The following R3HDM1 variants were observed in gnomAD, a reference collection of about 807,000 sequenced individuals.
R3HDM1 encodes R3H domain-containing protein 1.
Under a neutral mutation model 141.1 loss-of-function variants are expected in R3HDM1, and 46 were observed. The observed-to-expected ratio is 0.33, with a 90% CI of 0.26 to 0.42. The LOEUF is 0.42. Ranked by LOEUF, R3HDM1 falls within the 10% of genes least tolerant of loss-of-function variation. The pLI is 1.00. For missense variants in R3HDM1, 1,184 were observed against 1,368.3 expected (o/e 0.87, Z 2.12); for synonymous variants, 435 against 472.9 (o/e 0.92, Z 1.04).
At chr2:135,649,520 G>A (rs1315544486) in intron 16 of R3HDM1, among the ~76,000 whole-genome samples, 1 of 152,066 alleles carries the variant, frequency 6.6e-6, no homozygotes. Flanking sequence ...CTGCAAAATA[G>A]GGCAACCCTT....
intron 1 of R3HDM1, chr2:135,565,767 T>A (rs993639031): frequency 2.0e-5 from 3 of 152,774 alleles, no homozygotes; most frequent in Admixed American, 6.5e-5. Context: ...ATCACTGCCT[T>A]GTACAATAAA....
At chr2:135,610,389 T>C (rs1299243163) in intron 3 of R3HDM1, among the ~76,000 whole-genome samples, 3 of 152,190 alleles carry the variant, frequency 2.0e-5, no homozygotes, top group Non-Finnish European at 4.4e-5. Context: ...AACTAGGCCT[T>C]GTGTGCCAGA....
chr2:135,619,401 T>C (rs2061351110), intron 5 of R3HDM1, among the ~76,000 whole-genome samples: 2 of 152,232 alleles, frequency 1.3e-5, no homozygotes, highest in South Asian at 4.1e-4. Flanking sequence ...TATTGATATA[T>C]ACATTATTGA....
chr2:135,617,334 A>AAT (rs1553567035), intron 5 of R3HDM1, among the ~76,000 whole-genome samples: 11,584 of 151,052 alleles, frequency 0.077, 1,435 homozygotes, highest in African/African-American at 0.26. Flanking sequence ...CTCAAAAAAA[A>AAT]ATATATATAT....
chr2:135,544,753 G>T (rs1376381486), intron 1 of R3HDM1, among the ~76,000 whole-genome samples: 1 of 152,176 alleles, frequency 6.6e-6, no homozygotes, highest in African/African-American at 2.4e-5. Flanking sequence ...TTGAGGCCAG[G>T]AGCTTGAGAC....
At chr2:135,585,910 G>C (rs1278643786) in intron 1 of R3HDM1, among the ~76,000 whole-genome samples, 3 of 152,188 alleles carry the variant, frequency 2.0e-5, no homozygotes, top group Non-Finnish European at 4.4e-5. Context: ...GGTAAAGTCA[G>C]TTGGAAGATG....
intron 21 of R3HDM1, among the ~76,000 whole-genome samples, chr2:135,698,129 C>T (rs1371729740): frequency 3.4e-5 from 5 of 148,474 alleles, no homozygotes; most frequent in Non-Finnish European, 5.9e-5. Flanking sequence ...GTGCATGAGA[C>T]GGGAAGGCAG....
At chr2:135,641,403 G>T in intron 14 of R3HDM1, 133 bp from the exon 15 acceptor site, 1 of 1,062,196 alleles carries the variant, frequency 9.4e-7, no homozygotes, top group Non-Finnish European at 1.3e-6. Flanking sequence ...AACGTGGACA[G>T]TAAATTAAAA....
intron 1 of R3HDM1, among the ~76,000 whole-genome samples, chr2:135,595,709 A>G (rs750181778): frequency 6.6e-6 from 1 of 152,204 alleles, no homozygotes; most frequent in Non-Finnish European, 1.5e-5. Context: ...TTTAGGTTCT[A>G]GGATCCCATC....
intron 1 of R3HDM1, among the ~76,000 whole-genome samples, chr2:135,571,886 A>G (rs954958044): frequency 4.6e-5 from 7 of 152,176 alleles, no homozygotes; most frequent in African/African-American, 1.7e-4. Context: ...TTGGCTTCCC[A>G]GAATGCTAGA....
At chr2:135,611,460 T>C (rs2060544419) in intron 3 of R3HDM1, among the ~76,000 whole-genome samples, 2 of 152,310 alleles carry the variant, frequency 1.3e-5, no homozygotes, top group South Asian at 4.1e-4. Context: ...TGGTAGGTGC[T>C]ATTAACAATG....
At position 135,645,395 on chromosome 2, in the gene R3HDM1, C is replaced by A. The variant is rs1349739690; in HGVS notation, c.1491C>A (p.Asn497Lys). Reference protein sequence around the residue: ...INPQTGQPFINPDGSPVVYNP... With the variant: ...INPQTGQPFIKPDGSPVVYNP... ...ATTTTTCAGGTCAGCCCTTCATAAA[C>A]CCAGATGGGAGTCCAGTTGTGTATA... Residue 497 changes from asparagine to lysine, a missense_variant, in exon 16 of 27, where the codon AAC becomes AAA. Transcript: ENST00000683871. 1 of 1,610,036 alleles carries A rather than the reference C, an allele frequency of 6.2e-7. No individual in the cohort carries two copies.
intron 19 of R3HDM1, among the ~76,000 whole-genome samples, chr2:135,665,084 C>T (rs1236484106): frequency 6.6e-6 from 1 of 152,166 alleles, no homozygotes; most frequent in African/African-American, 2.4e-5. Context: ...AGCTTGGCAA[C>T]CAACTGTCAA....
At chr2:135,594,230 A>G (rs1261104466) in intron 1 of R3HDM1, among the ~76,000 whole-genome samples, 1 of 152,204 alleles carries the variant, frequency 6.6e-6, no homozygotes, top group Non-Finnish European at 1.5e-5. Context: ...ATATATGTAT[A>G]GTTCTTTTAG....
intron 7 of R3HDM1, among the ~76,000 whole-genome samples, chr2:135,628,214 A>G (rs2062247343): frequency 6.6e-6 from 1 of 152,186 alleles, no homozygotes; most frequent in African/African-American, 2.4e-5. Flanking sequence ...AAAATATCTA[A>G]CCTCAATTAC....
At chr2:135,582,668 A>T (rs1415580107) in intron 1 of R3HDM1, among the ~76,000 whole-genome samples, 1 of 152,174 alleles carries the variant, frequency 6.6e-6, no homozygotes, top group African/African-American at 2.4e-5. Context: ...TAGGAGGATA[A>T]CATCCTCTGC....
chr2:135,657,646 C>T (rs979846103), intron 18 of R3HDM1, among the ~76,000 whole-genome samples: 3 of 152,002 alleles, frequency 2.0e-5, no homozygotes, highest in African/African-American at 4.8e-5. Flanking sequence ...TTAAAATCTC[C>T]ACAGATCTCT....
chr2:135,665,835 G>A (rs966083262), intron 19 of R3HDM1, among the ~76,000 whole-genome samples: 2 of 152,102 alleles, frequency 1.3e-5, no homozygotes, highest in African/African-American at 4.8e-5. Flanking sequence ...ATATATGAAA[G>A]CATGACATCA....
intron 18 of R3HDM1, 65 bp downstream of exon 18, chr2:135,652,097 A>G: frequency 6.7e-7 from 1 of 1,490,878 alleles, no homozygotes; most frequent in African/African-American, 1.4e-5. Context: ...TTTTAACTTC[A>G]AAGAACTTAT....
Sources: gnomAD v4.1 joint callset for allele counts (sites outside exome capture counted in the v4.1 genomes callset) on GRCh38, gnomAD v4.1.1 for gene constraint, MANE v1.5 for transcripts, NCBI Gene and HGNC (gene_info 2026-07-23, HGNC 2026-07-21) for gene names.